TBC1D23: variants seen among roughly 807,000 people sequenced by gnomAD.
TBC1D23 encodes the protein HCV non-structural protein 4A-transactivated protein 1.
In TBC1D23, 55 loss-of-function variants were observed where a neutral mutation model predicts 91.4. The ratio of observed to expected loss-of-function variants is 0.60; its 90% confidence interval spans 0.48 to 0.75. TBC1D23 has a LOEUF of 0.75. Among genes scored for constraint, TBC1D23 ranks in the 30% least tolerant of loss-of-function variants. The pLI, the probability that TBC1D23 is intolerant of heterozygous loss-of-function variation, is 0.00. For missense variants in TBC1D23, 725 were observed against 836.1 expected, an observed-to-expected ratio of 0.87 and a Z score of 1.64; for synonymous variants, 289 against 281.0, an observed-to-expected ratio of 1.03 and a Z score of -0.28.
chr3:100,311,957 G>T (rs1317856994), intron 15 of TBC1D23, 80 bp downstream of exon 15: 4 of 935,886 alleles, frequency 4.3e-6, no homozygotes, highest in Non-Finnish European at 6.5e-6. Context: ...GCCTCATGCT[G>T]TCTTGGCTCA....
At chr3:100,311,744 A>G (rs1705628395) in intron 14 of TBC1D23, 89 bp from the exon 15 acceptor site, 6 of 906,578 alleles carry the variant, frequency 6.6e-6, no homozygotes, top group Non-Finnish European at 1.0e-5. Context: ...TGGGTGAGAA[A>G]AACTAAACTG....
chr3:100,261,264 G>C, intron 1 of TBC1D23, 193 bp downstream of exon 1: 1 of 599,720 alleles, frequency 1.7e-6, no homozygotes. Context: ...GGACTGGGGC[G>C]GGACTCCCAA....
chr3:100,309,065 C>G (rs900612544), intron 13 of TBC1D23, among the ~76,000 whole-genome samples: 5 of 152,124 alleles, frequency 3.3e-5, no homozygotes, highest in African/African-American at 1.2e-4. Context: ...CCCAGCTATT[C>G]AGGAGACTGA....
chr3:100,290,457 C>G (rs35816103), intron 4 of TBC1D23, 121 bp from the exon 5 acceptor site: 98 of 854,350 alleles, frequency 1.1e-4, no homozygotes, highest in Non-Finnish European at 1.8e-4. Flanking sequence ...GAGACCTCTG[C>G]CTGCTACTGT....
chr3:100,321,226 A>T (rs1449878235), intron 18 of TBC1D23, among the ~76,000 whole-genome samples: 1 of 152,200 alleles, frequency 6.6e-6, no homozygotes, highest in Non-Finnish European at 1.5e-5. Flanking sequence ...GTTAATCTGT[A>T]CCAGTGCTGC....
At chr3:100,277,930 T>C (rs564288670) in intron 1 of TBC1D23, among the ~76,000 whole-genome samples, 2 of 152,226 alleles carry the variant, frequency 1.3e-5, no homozygotes, top group South Asian at 2.1e-4. Flanking sequence ...AAGAACTAAA[T>C]GTTTCTTGTG....
At chr3:100,273,225 A>G (rs1313349175) in intron 1 of TBC1D23, among the ~76,000 whole-genome samples, 1 of 152,178 alleles carries the variant, frequency 6.6e-6, no homozygotes. Context: ...GTTAACGAGC[A>G]TGCTGCCTTC....
intron 10 of TBC1D23, among the ~76,000 whole-genome samples, chr3:100,299,835 G>A (rs1453037131): frequency 1.3e-5 from 2 of 152,148 alleles, no homozygotes; most frequent in Admixed American, 6.5e-5. Flanking sequence ...GCATTATAAA[G>A]GGTAGTTGAA....
At chr3:100,296,049 T>A (rs535852907) in intron 7 of TBC1D23, 123 bp from the exon 8 acceptor site, 1 of 491,464 alleles carries the variant, frequency 2.0e-6, no homozygotes, top group East Asian at 3.2e-5. Flanking sequence ...CAAGTCATTG[T>A]AAAAGCACCA....
chr3:100,290,548 CA>C, intron 4 of TBC1D23, 29 bp from the exon 5 acceptor site: 6 of 1,608,848 alleles, frequency 3.7e-6, no homozygotes, highest in Admixed American at 1.7e-5. Context: ...TCTGTTAATG[CA>C]AAAAAATTTT....
At chr3:100,293,153 T>A (rs28577907) in intron 5 of TBC1D23, among the ~76,000 whole-genome samples, 7 of 89,156 alleles carry the variant, frequency 7.9e-5, no homozygotes, top group South Asian at 4.3e-4. Flanking sequence ...TTATTTATTT[T>A]GTGAGACGGA....
At chr3:100,305,593 A>G (rs1705503613) in intron 12 of TBC1D23, among the ~76,000 whole-genome samples, 1 of 152,186 alleles carries the variant, frequency 6.6e-6, no homozygotes, top group African/African-American at 2.4e-5. Context: ...CTGAAGCTCC[A>G]AAAATCAAAT....
At chr3:100,322,704 T>C (rs1225577658) in intron 18 of TBC1D23, among the ~76,000 whole-genome samples, 2 of 152,222 alleles carry the variant, frequency 1.3e-5, no homozygotes, top group Non-Finnish European at 2.9e-5. Context: ...TTGGGAATTG[T>C]GTTTTAAAGG....
At chr3:100,314,220 T>C (rs1705688363) in intron 15 of TBC1D23, among the ~76,000 whole-genome samples, 1 of 147,596 alleles carries the variant, frequency 6.8e-6, no homozygotes, top group South Asian at 2.2e-4. Context: ...TGTCTCGCCC[T>C]CCCAAGTAGC....
At chr3:100,315,910 A>G (rs547295018) in intron 15 of TBC1D23, 189 bp from the exon 16 acceptor site, 2 of 570,938 alleles carry the variant, frequency 3.5e-6, no homozygotes, top group Admixed American at 5.9e-5. Flanking sequence ...CACTTTTGCT[A>G]ACATAATTTC....
At chr3:100,319,013 A>G (rs896846143) in intron 16 of TBC1D23, 56 bp from the exon 17 acceptor site, 2 of 1,166,664 alleles carry the variant, frequency 1.7e-6, no homozygotes, top group Non-Finnish European at 2.4e-6. Flanking sequence ...CTGTTAGGGA[A>G]TGTATCATTT....
Position 100,312,724 on chromosome 3 carries a change from G to GA in TBC1D23, c.1598+856dup, listed in dbSNP as rs3836295. 4.8e-3 allele frequency among the ~76,000 whole-genome samples: 717 copies of GA among 149,554 alleles called. 2 individuals carry two copies. Among genetic ancestry groups the GA allele is most frequent in the South Asian group, 6.6e-3 (31 of 4,718 alleles). ...AATTCTATAAATCCTAAGTGGGCCA[G>GA]AAAAAAAAATAAATTCTAGTCATAT... On this transcript the variant is annotated intron_variant, in intron 15 of 18. Transcript: ENST00000394144.
At position 100,272,659 on chromosome 3, in the gene TBC1D23, T is replaced by G. The variant is rs568708222; in HGVS notation, c.54-6990T>G. Among the ~76,000 whole-genome samples, 708 of 152,216 alleles carry G rather than the reference T, an allele frequency of 4.7e-3. 2 individuals are homozygous for G. The highest frequency in any genetic ancestry group is 6.3e-3 in the Non-Finnish European group (430 of 67,998). On this transcript the variant is annotated intron_variant, in intron 1 of 18. Coordinates refer to ENST00000394144, the MANE Select transcript of TBC1D23 (RefSeq NM_001199198.3). ...GATCCCGCCAGCCTCTGAGTTCCCT[T>G]AGTATTTATTGATCATTTTTGGGTG... is the stretch of plus-strand genomic sequence containing the variant.
chr3:100,293,597 G>A (rs2067811929), intron 5 of TBC1D23, among the ~76,000 whole-genome samples: 1 of 152,172 alleles, frequency 6.6e-6, no homozygotes, highest in South Asian at 2.1e-4. Context: ...TTGCTATTCT[G>A]TTTGTATGTA....
Sources: gnomAD v4.1 joint callset for allele counts (sites outside exome capture counted in the v4.1 genomes callset) on GRCh38, gnomAD v4.1.1 for gene constraint, MANE v1.5 for transcripts, NCBI Gene and HGNC (gene_info 2026-07-23, HGNC 2026-07-21) for gene names.